The following STX1B variants were observed in gnomAD, a reference collection of about 807,000 sequenced individuals.
STX1B encodes syntaxin-1B.
A neutral mutation model predicts 39.4 loss-of-function variants in STX1B; 7 were observed. The ratio of observed to expected loss-of-function variants is 0.18; its 90% CI spans 0.10 to 0.33. The LOEUF (loss-of-function observed/expected upper bound fraction) is 0.33. Ranked by LOEUF, STX1B falls within the 10% of genes least tolerant of loss-of-function variation. STX1B has a pLI of 1.00. For missense variants in STX1B, 198 were observed against 383.2 expected (o/e 0.52, Z 4.04); for synonymous variants, 136 against 144.1 (o/e 0.94, Z 0.40).
intron 1 of STX1B, 96 bp downstream of exon 1, chr16:31,010,271 T>C (rs1596723873): frequency 9.8e-7 from 1 of 1,015,316 alleles, no homozygotes; most frequent in Non-Finnish European, 1.3e-6. Context: ...GATCTCATCC[T>C]TCGCCCCCAC....
chr16:31,000,890 A>G (rs374784423), intron 4 of STX1B, 38 bp downstream of exon 4: 10 of 1,611,468 alleles, frequency 6.2e-6, no homozygotes, highest in African/African-American at 1.3e-5. Context: ...TCCACCCACA[A>G]TTCTTTTCCT....
chr16:30,989,496 A>G lies in STX1B; in HGVS notation c.*3325T>C, dbSNP rs1334363310. On this transcript the variant is annotated 3_prime_UTR_variant, in exon 10 of 10. Coordinates refer to ENST00000215095, the MANE Select transcript of STX1B (RefSeq NM_052874.5). ...CTCTGGGCCCCAGCCAGGCCCCAGG[A>G]GTCCTGTCCCCTCTGAGAAGGGGAG... The G allele has an allele frequency of 6.6e-6, 1 of 152,162 alleles. No homozygotes were observed. Among genetic ancestry groups the G allele is most frequent in the Non-Finnish European group, 1.5e-5 (1 of 68,024 alleles). The allele number at this position is 152,162 out of a possible 1,614,324, so 9.4% of individuals were successfully genotyped here.
In STX1B at chr16:30,989,371, C is replaced by G. The variant is rs1352277948; in HGVS notation, c.*3450G>C. 2 of 150,596 alleles carry G rather than the reference C, an allele frequency of 1.3e-5. No homozygotes were observed. The highest frequency in any genetic ancestry group is 3.0e-5 in the Non-Finnish European group (2 of 67,652). 9.3% of individuals were successfully genotyped at this position (150,596 alleles called of 1,614,324 possible). ...GGGAGGAAGGGGGGGGCAGGATTTTCCTGTGTTTTATCCATTTGCAAGTTG... is the reference window on the plus strand; with the variant it reads ...GGGAGGAAGGGGGGGGCAGGATTTTGCTGTGTTTTATCCATTTGCAAGTTG... On this transcript the variant is annotated 3_prime_UTR_variant, in exon 10 of 10. Transcript: ENST00000215095.
At chr16:31,002,577 C>T (rs2143681061) in intron 1 of STX1B, among the ~76,000 whole-genome samples, 1 of 152,342 alleles carries the variant, frequency 6.6e-6, no homozygotes, top group Middle Eastern at 3.4e-3. Context: ...TGGGCTTGTT[C>T]TTCCAGCTTC....
In STX1B at chr16:31,000,922, C is replaced by T. The variant is rs1434669511; in HGVS notation, c.280+6G>A. 4.3e-6 allele frequency: 7 copies of T among 1,613,994 alleles called. No homozygotes were observed. The highest frequency in any genetic ancestry group is 5.9e-6 in the Non-Finnish European group (7 of 1,179,980). ...TCCTTCCTGGTTGAGGGATTGTACT[C>T]CTCACCTTTCAATTTGGACCGAACC... On this transcript the variant is annotated splice_donor_region_variant and intron_variant, in intron 4 of 9. Coordinates refer to ENST00000215095, the MANE Select transcript of STX1B (RefSeq NM_052874.5).
rs1198913385 is a variant in STX1B at position 30,990,049 on chromosome 16, T to A, written c.*2772A>T. 1 of 152,158 alleles carries A rather than the reference T, an allele frequency of 6.6e-6. No homozygotes were observed. The highest frequency in any genetic ancestry group is 1.5e-5 in the Non-Finnish European group (1 of 68,032). The allele number at this position is 152,158 out of a possible 1,614,324, so 9.4% of individuals were successfully genotyped here. A position where few individuals can be genotyped will look rare whatever the true frequency, so the allele number is the denominator to read the frequency against. ...CACATCATAGGATGTGGAGGACGCA[T>A]AGAAAGGGCACAGCAGACCCTTAGA... On this transcript the variant is annotated 3_prime_UTR_variant, in exon 10 of 10. Transcript: ENST00000215095.
At chr16:30,999,526 G>A (rs1000923688) in intron 4 of STX1B, among the ~76,000 whole-genome samples, 2 of 152,314 alleles carry the variant, frequency 1.3e-5, no homozygotes, top group East Asian at 1.9e-4. Flanking sequence ...CCCAACCCAC[G>A]GTGCTTTGGG....
intron 7 of STX1B, among the ~76,000 whole-genome samples, chr16:30,995,210 T>C (rs2056585919): frequency 6.6e-6 from 1 of 152,166 alleles, no homozygotes; most frequent in Admixed American, 6.5e-5. Flanking sequence ...ACTCCTGGGC[T>C]CAAGCCCTCC....
chr16:30,997,497 C>G lies in STX1B; in HGVS notation c.354+5G>C. The G allele has an allele frequency of 6.2e-7, 1 of 1,602,280 alleles. No individual in the cohort carries two copies. Among genetic ancestry groups the G allele is most frequent in the Non-Finnish European group, 8.5e-7 (1 of 1,175,462 alleles). ...CCCGACCCCCAATGGGCTGCCGCCT[C>G]CTACCTGGGTCTTGCGGATGCGCAG... is the stretch of plus-strand genomic sequence containing the variant. On this transcript the variant is annotated splice_donor_5th_base_variant and intron_variant, in intron 5 of 9. Transcript: ENST00000215095.
chr16:31,002,185 A>C (rs1483654315), intron 1 of STX1B, among the ~76,000 whole-genome samples: 39 of 117,516 alleles, frequency 3.3e-4, no homozygotes, highest in South Asian at 9.4e-4. Flanking sequence ...CTTCCCGCCC[A>C]CTCTCCCTCC....
At chr16:30,997,736 G>A (rs929942402) in intron 4 of STX1B, among the ~76,000 whole-genome samples, 161 bp from the exon 5 acceptor site, 3 of 152,204 alleles carry the variant, frequency 2.0e-5, no homozygotes, top group East Asian at 1.9e-4. Flanking sequence ...GTGGTGTTAG[G>A]AGCCAGCAGA....
chr16:31,010,351 C>T lies in STX1B; in HGVS notation c.30+16G>A, dbSNP rs2056675098. On this transcript the variant is annotated intron_variant, in intron 1 of 9. Coordinates refer to ENST00000215095, the MANE Select transcript of STX1B (RefSeq NM_052874.5). ...TTGGGGTCCCGCCCCCCCATTCTCC[C>T]CACCCCCAAGCTCACACTCCGCAGC... The T allele has an allele frequency of 3.4e-6, 5 of 1,468,364 alleles. No homozygotes were observed. In the African/African-American group the frequency reaches 4.2e-5, roughly 12 times the overall value. 91.0% of individuals were successfully genotyped at this position (1,468,364 alleles called of 1,614,324 possible).
intron 7 of STX1B, 89 bp from the exon 8 acceptor site, chr16:30,993,573 C>T: frequency 6.8e-7 from 1 of 1,469,800 alleles, no homozygotes; most frequent in Non-Finnish European, 9.4e-7. Flanking sequence ...AATCCGGTGT[C>T]ATTTACTAGC....
rs1161840222 is a variant in STX1B at position 30,992,786 on chromosome 16, G to C, written c.*35C>G. On this transcript the variant is annotated 3_prime_UTR_variant, in exon 10 of 10. Transcript: ENST00000215095. ...GGGGGTATTGCTCCCGATGTGGTGGGGGAAGGGTCTGGGAGAGAGAAGGGT... is the reference window on the plus strand; with the variant it reads ...GGGGGTATTGCTCCCGATGTGGTGGCGGAAGGGTCTGGGAGAGAGAAGGGT... 8.5e-6 allele frequency: 12 copies of C among 1,409,622 alleles called. No homozygotes were observed. Among genetic ancestry groups the C allele is most frequent in the African/African-American group, 2.8e-5 (2 of 70,764 alleles). The allele number at this position is 1,409,622 out of a possible 1,614,324, so 87.3% of individuals were successfully genotyped here.
intron 1 of STX1B, among the ~76,000 whole-genome samples, chr16:31,006,315 C>T (rs2056655007): frequency 6.6e-6 from 1 of 152,186 alleles, no homozygotes; most frequent in South Asian, 2.1e-4. Context: ...GCCTGGCCCT[C>T]TCACCCTGAC....
intron 1 of STX1B, among the ~76,000 whole-genome samples, chr16:31,002,604 GCA>G (rs1408132366): frequency 1.3e-5 from 2 of 152,172 alleles, no homozygotes; most frequent in Non-Finnish European, 2.9e-5. Context: ...CCTCATGTCT[GCA>G]CACACACTCA....
intron 4 of STX1B, among the ~76,000 whole-genome samples, chr16:30,998,060 G>A (rs80168914): frequency 6.6e-6 from 1 of 152,326 alleles, no homozygotes; most frequent in Non-Finnish European, 1.5e-5. Context: ...CTCTTTCCCA[G>A]GGGAATTCAA....
intron 1 of STX1B, among the ~76,000 whole-genome samples, chr16:31,004,096 T>C (rs1166552461): frequency 6.6e-6 from 1 of 152,200 alleles, no homozygotes; most frequent in Non-Finnish European, 1.5e-5. Context: ...AGTCCCAATC[T>C]GGGGAAGGCT....
intron 7 of STX1B, among the ~76,000 whole-genome samples, chr16:30,994,205 TGGCGTGAACCCGGGA>T (rs2056578738): frequency 6.7e-6 from 1 of 150,292 alleles, no homozygotes; most frequent in African/African-American, 2.5e-5. Context: ...GGCAGGAGAA[TGGCGTGAACCCGGGA>T]GGCGGAGCTT....
Sources: gnomAD v4.1 joint callset for allele counts (sites outside exome capture counted in the v4.1 genomes callset) on GRCh38, gnomAD v4.1.1 for gene constraint, MANE v1.5 for transcripts, NCBI Gene and HGNC (gene_info 2026-07-23, HGNC 2026-07-21) for gene names.